Variants in KCNIP4 observed in about 807,000 individuals in gnomAD.
KCNIP4 encodes potassium voltage-gated channel interacting protein 4, also known as Kv channel-interacting protein 4.
KCNIP4 carries 12 observed loss-of-function variants against 34.0 expected under a neutral mutation model. The ratio of observed to expected loss-of-function variants is 0.35; its 90% CI spans 0.23 to 0.57. The LOEUF (loss-of-function observed/expected upper bound fraction) is 0.57, where lower values mean the gene tolerates loss of function less well. Among genes scored for constraint, KCNIP4 ranks in the 20% least tolerant of loss-of-function variants. The pLI, the probability that KCNIP4 is intolerant of heterozygous loss-of-function variation, is 0.83. For synonymous variants in KCNIP4, 124 were observed against 102.2 expected (o/e 1.21, Z -1.29); for missense variants, 238 against 311.7 (o/e 0.76, Z 1.78).
chr4:21,308,715 T>A (rs1215759886), intron 1 of KCNIP4, among the ~76,000 whole-genome samples: 1 of 120,928 alleles, frequency 8.3e-6, no homozygotes, highest in Non-Finnish European at 1.8e-5. Context: ...CGTGTGAGTG[T>A]GTGTGTGTGT....
At chr4:20,825,225 G>GTTTTTTTTTTT (rs71181592) in intron 3 of KCNIP4, among the ~76,000 whole-genome samples, 9 of 113,620 alleles carry the variant, frequency 7.9e-5, no homozygotes, top group South Asian at 3.1e-4. Flanking sequence ...TCAATTTTAC[G>GTTTTTTTTTTT]TTTTTTTTTT....
chr4:20,957,481 T>C (rs2149652933), intron 1 of KCNIP4, among the ~76,000 whole-genome samples: 2 of 152,308 alleles, frequency 1.3e-5, no homozygotes, highest in Middle Eastern at 6.8e-3. Flanking sequence ...TGATCAGGAA[T>C]TTAAGCCTAA....
intron 1 of KCNIP4, among the ~76,000 whole-genome samples, chr4:21,469,681 AT>A (rs1047893490): frequency 6.6e-6 from 1 of 151,942 alleles, no homozygotes; most frequent in African/African-American, 2.4e-5. Context: ...TGCAGACAGC[AT>A]TTTTTTTCCA....
chr4:21,430,361 G>A (rs887960621), intron 1 of KCNIP4, among the ~76,000 whole-genome samples: 5 of 151,700 alleles, frequency 3.3e-5, no homozygotes, highest in African/African-American at 9.7e-5. Context: ...CCCTTGATAA[G>A]GGAGGGTTTA....
chr4:21,616,655 C>T (rs1201746022), intron 1 of KCNIP4, among the ~76,000 whole-genome samples: 4 of 152,144 alleles, frequency 2.6e-5, no homozygotes, highest in Non-Finnish European at 5.9e-5. Context: ...CTGTGGTTTG[C>T]TGGCAATCCG....
intron 1 of KCNIP4, among the ~76,000 whole-genome samples, chr4:21,405,158 G>T (rs549474590): frequency 6.6e-6 from 1 of 152,002 alleles, no homozygotes; most frequent in Non-Finnish European, 1.5e-5. Flanking sequence ...CCAGAATCCC[G>T]TCTCCCTGAA....
intron 1 of KCNIP4, among the ~76,000 whole-genome samples, chr4:21,217,661 G>A (rs951065723): frequency 2.0e-5 from 3 of 152,146 alleles, no homozygotes; most frequent in Admixed American, 2.0e-4. Flanking sequence ...AGATGAGTGG[G>A]ATATGGTGGT....
chr4:21,200,165 A>G (rs1406078301), intron 1 of KCNIP4, among the ~76,000 whole-genome samples: 10 of 151,912 alleles, frequency 6.6e-5, no homozygotes, highest in African/African-American at 1.2e-4. Context: ...CATTGTGCAC[A>G]TGTACCCTAG....
At chr4:21,259,345 T>G (rs1241553790) in intron 1 of KCNIP4, among the ~76,000 whole-genome samples, 1 of 152,218 alleles carries the variant, frequency 6.6e-6, no homozygotes, top group Non-Finnish European at 1.5e-5. Flanking sequence ...TTAATTATAC[T>G]CATGCTCCAT....
At chr4:21,701,552 T>G (rs999291100) in intron 1 of KCNIP4, among the ~76,000 whole-genome samples, 15 of 152,088 alleles carry the variant, frequency 9.9e-5, no homozygotes, top group African/African-American at 3.6e-4. Flanking sequence ...ATTAAAAACT[T>G]AAAAATATAA....
At chr4:21,053,162 T>C (rs928758127) in intron 1 of KCNIP4, among the ~76,000 whole-genome samples, 1 of 152,088 alleles carries the variant, frequency 6.6e-6, no homozygotes, top group Non-Finnish European at 1.5e-5. Context: ...GTGGGGTCAA[T>C]GGAAATCAAG....
chr4:21,498,831 GA>G (rs1371834031), intron 1 of KCNIP4, among the ~76,000 whole-genome samples: 19 of 152,010 alleles, frequency 1.2e-4, no homozygotes, highest in Admixed American at 1.2e-3. Context: ...CTAAGAAAGT[GA>G]ACCACATATC....
At position 21,438,979 on chromosome 4, in the gene KCNIP4, G is replaced by A. The variant is rs188018036; in HGVS notation, c.61+509592C>T. Among the ~76,000 whole-genome samples the A allele has an allele frequency of 3.9e-3, 597 of 152,118 alleles. 5 individuals are homozygous for A. Among genetic ancestry groups the A allele is most frequent in the African/African-American group, 0.013 (552 of 41,524 alleles). Reference sequence around the variant, plus strand: ...AGATCGAGACCATCCTGGCTAACATGGTGAAACCCCTTCTCTACTAAAAAT... The same window carrying A: ...AGATCGAGACCATCCTGGCTAACATAGTGAAACCCCTTCTCTACTAAAAAT... On this transcript the variant is annotated intron_variant, in intron 1 of 8. Transcript: ENST00000382152.
At chr4:21,912,729 C>T (rs888122007) in intron 1 of KCNIP4, among the ~76,000 whole-genome samples, 1 of 151,656 alleles carries the variant, frequency 6.6e-6, no homozygotes, top group African/African-American at 2.4e-5. Context: ...GTGACTAAAG[C>T]TTAACAGAGA....
rs373509290 is a variant in KCNIP4, at chr4:20,902,298, G to A, written c.62-19589C>T. Among the ~76,000 whole-genome samples, 520 of 152,202 alleles carry A rather than the reference G, an allele frequency of 3.4e-3. 3 individuals carry two copies. Among genetic ancestry groups the A allele is most frequent in the Non-Finnish European group, 6.0e-3 (407 of 68,004 alleles). ...GGAGTCTTGGAGACAAGGGGACAGA[G>A]GAAGAGTGATCTGTGCAGGGATGCT... On this transcript the variant is annotated intron_variant, in intron 1 of 8. Transcript: ENST00000382152.
At chr4:21,757,829 A>G (rs1022025523) in intron 1 of KCNIP4, among the ~76,000 whole-genome samples, 1 of 152,154 alleles carries the variant, frequency 6.6e-6, no homozygotes, top group African/African-American at 2.4e-5. Context: ...AACCAATGAA[A>G]AGATAGAACT....
intron 1 of KCNIP4, among the ~76,000 whole-genome samples, chr4:21,063,719 G>T (rs2108978243): frequency 6.6e-6 from 1 of 152,138 alleles, no homozygotes; most frequent in Non-Finnish European, 1.5e-5. Flanking sequence ...GAATATCAAA[G>T]AGACTGGATA....
At chr4:20,941,741 A>G (rs1381425055) in intron 1 of KCNIP4, among the ~76,000 whole-genome samples, 1 of 152,238 alleles carries the variant, frequency 6.6e-6, no homozygotes, top group East Asian at 1.9e-4. Flanking sequence ...CTCACTGACA[A>G]AACAGACATG....
chr4:21,635,101 AT>A (rs1746038870), intron 1 of KCNIP4, among the ~76,000 whole-genome samples: 1 of 152,172 alleles, frequency 6.6e-6, no homozygotes, highest in Admixed American at 6.5e-5. Flanking sequence ...ATATAAAGTT[AT>A]TTTAAAATAA....
Sources: allele counts gnomAD v4.1 joint callset (sites outside exome capture counted in the v4.1 genomes callset), GRCh38; gene constraint gnomAD v4.1.1; transcripts MANE v1.5; gene names NCBI Gene and HGNC (gene_info 2026-07-23, HGNC 2026-07-21).